Variants in FAM149A observed in about 807,000 individuals in gnomAD.
FAM149A encodes the protein family with sequence similarity 149 member A, also known as protein FAM149A.
Under a neutral mutation model 78.2 loss-of-function variants are expected in FAM149A, and 71 were observed. That is an observed-to-expected ratio of 0.91 (90% CI 0.75 to 1.11). The LOEUF (loss-of-function observed/expected upper bound fraction) is 1.11, where lower values mean the gene tolerates loss of function less well. FAM149A is among the 50% of genes least tolerant of loss of function. The pLI, the probability that FAM149A is intolerant of heterozygous loss-of-function variation, is 0.00. For missense variants in FAM149A, 1,036 were observed against 971.0 expected, an observed-to-expected ratio of 1.07 and a Z score of -0.89; for synonymous variants, 446 against 410.5, an observed-to-expected ratio of 1.09 and a Z score of -1.04.
rs538562035 is a variant in FAM149A at position 186,145,999 on chromosome 4, A to G, written c.567-3174A>G. ...GAACCAAAACAAGATGTGAAAGAGA[A>G]AAAAAAAAAGAAAAAGACAAGAAAG... On this transcript the variant is annotated intron_variant, in intron 1 of 13. Coordinates refer to ENST00000389354, the MANE Select transcript of FAM149A (RefSeq NM_001367768.3). Among the ~76,000 whole-genome samples the G allele has an allele frequency of 3.8e-3, 565 of 150,312 alleles. 2 individuals are homozygous for G. Among genetic ancestry groups the G allele is most frequent in the Middle Eastern group, 0.014 (4 of 292 alleles).
intron 1 of FAM149A, chr4:186,133,202 T>C (rs1276108598): frequency 3.0e-6 from 3 of 984,570 alleles, no homozygotes; most frequent in Non-Finnish European, 2.4e-6. Flanking sequence ...GTGATAAATA[T>C]GCATGAGACA....
Position 186,167,025 on chromosome 4 carries a change from C to T in FAM149A, c.2068C>T (p.Arg690Ter), listed in dbSNP as rs766661467. 1.1e-5 allele frequency: 17 copies of T among 1,614,058 alleles called. No homozygotes were observed. In the East Asian group the frequency reaches 1.1e-4, roughly 11 times the overall value. Residue 690 changes from arginine to a stop codon, truncating the protein, a stop_gained, in exon 12 of 14, where the codon CGA becomes TGA. Transcript: ENST00000389354. LOFTEE classifies it high-confidence loss of function. ...GAGTGCCATGCCTGACGGTACAGAA[C>T]GATCGCGTCTTCGAGAAAGAACAGC...
At chr4:186,137,239 G>A (rs1333630447) in intron 1 of FAM149A, among the ~76,000 whole-genome samples, 2 of 140,786 alleles carry the variant, frequency 1.4e-5, no homozygotes, top group Non-Finnish European at 3.1e-5. Flanking sequence ...TTTACTGGAT[G>A]TTGCTGACCC....
intron 1 of FAM149A, among the ~76,000 whole-genome samples, chr4:186,124,813 G>T (rs2126313286): frequency 6.6e-6 from 1 of 152,222 alleles, no homozygotes; most frequent in African/African-American, 2.4e-5. Flanking sequence ...GGTATTTCTA[G>T]TTCTAGATCC....
At chr4:186,157,383 A>G (rs1177806405) in intron 7 of FAM149A, among the ~76,000 whole-genome samples, 182 bp from the exon 8 acceptor site, 1 of 152,204 alleles carries the variant, frequency 6.6e-6, no homozygotes. Context: ...AAGCCCTGCA[A>G]CCACAGTTCC....
intron 1 of FAM149A, among the ~76,000 whole-genome samples, chr4:186,131,313 A>C (rs1293903103): frequency 2.0e-5 from 3 of 151,368 alleles, no homozygotes; most frequent in Non-Finnish European, 1.5e-5. Context: ...ATGCCACTGC[A>C]CTCCAGTCTG....
rs1324375458 is a variant in FAM149A at position 186,130,287 on chromosome 4, C to CTATATATATA, written c.567-18885_567-18884insATATATATAT. On this transcript the variant is annotated intron_variant, in intron 1 of 13. Transcript: ENST00000389354. The stretch of plus-strand genomic sequence containing the variant: ...AATCTCTCTCTCTCTCTCTCTCTCT[C>CTATATATATA]TCTCTCTATATATATATATATATAT... 2.1e-3 allele frequency: 80 copies of CTATATATATA among 38,174 alleles called. 1 individual carries two copies. The highest frequency in any genetic ancestry group is 0.015 in the Middle Eastern group (1 of 66). The allele number at this position is 38,174 out of a possible 1,614,324, so 2.4% of individuals were successfully genotyped here.
At chr4:186,105,766 C>G (rs927948857) in intron 1 of FAM149A, 124 bp downstream of exon 1, 4 of 596,892 alleles carry the variant, frequency 6.7e-6, no homozygotes, top group African/African-American at 2.0e-5. Context: ...TTTCATAACC[C>G]CCTGGGCACC....
chr4:186,160,377 ACACACAC>A (rs1051879239), intron 8 of FAM149A, among the ~76,000 whole-genome samples: 3 of 139,020 alleles, frequency 2.2e-5, no homozygotes, highest in African/African-American at 8.2e-5. Flanking sequence ...TACCACATAC[ACACACAC>A]CACTCACACA....
Position 186,105,338 on chromosome 4 carries a change from G to A in FAM149A, c.262G>A (p.Ala88Thr). Reference sequence around the variant, plus strand: ...CCGGGGCTCCGCCGCCAGCCGCGCCGCGGGAGCAGTGGGGACCCTGCTCTC... The same window carrying A: ...CCGGGGCTCCGCCGCCAGCCGCGCCACGGGAGCAGTGGGGACCCTGCTCTC... The change falls in exon 1 of 14, where the codon GCG (alanine) becomes ACG (threonine). Residue 88 changes from alanine (A) to threonine (T), a missense_variant. This residue lies in a region of FAM149A where 316 missense variants were observed against 241.9 expected (regional missense o/e 1.31). Transcript: ENST00000389354. 8.5e-7 allele frequency: 1 copy of A among 1,170,304 alleles called. No individual in the cohort carries two copies. Among genetic ancestry groups the A allele is most frequent in the South Asian group, 1.6e-5 (1 of 62,380 alleles). 72.5% of individuals were successfully genotyped at this position (1,170,304 alleles called of 1,614,324 possible). A position where few individuals can be genotyped will look rare whatever the true frequency, so the allele number is the denominator to read the frequency against.
intron 6 of FAM149A, among the ~76,000 whole-genome samples, chr4:186,155,351 C>T (rs2126486558): frequency 6.6e-6 from 1 of 152,210 alleles, no homozygotes; most frequent in South Asian, 2.1e-4. Flanking sequence ...TAAAAAGTAA[C>T]ACTGATAAAA....
intron 1 of FAM149A, among the ~76,000 whole-genome samples, chr4:186,119,701 T>A (rs950796680): frequency 1.3e-5 from 2 of 152,228 alleles, no homozygotes; most frequent in Non-Finnish European, 2.9e-5. Flanking sequence ...CCTGTTCATA[T>A]CAGGCTTTTA....
At position 186,144,790 on chromosome 4, in the gene FAM149A, C is replaced by CT. The variant is rs770290545; in HGVS notation, c.567-4383_567-4382insT. On this transcript the variant is annotated intron_variant, in intron 1 of 13. Coordinates refer to ENST00000389354, the MANE Select transcript of FAM149A (RefSeq NM_001367768.3). This position sits in a 1 kb window ranked among gnomAD's most constrained non-coding sequence, Gnocchi z 4.2. ...GGCGCAGCCGGGATTAGCTGGCGGG[C>CT]GAGGGCGCAGCGCAGGGAGGAGGAG... is the stretch of plus-strand genomic sequence containing the variant. 1 of 978,558 alleles carries CT rather than the reference C, an allele frequency of 1.0e-6. No homozygotes were observed. Among genetic ancestry groups the CT allele is most frequent in the Non-Finnish European group, 1.2e-6 (1 of 824,410 alleles). The allele number at this position is 978,558 out of a possible 1,614,324, so 60.6% of individuals were successfully genotyped here. A position where few individuals can be genotyped will look rare whatever the true frequency, so the allele number is the denominator to read the frequency against.
intron 1 of FAM149A, chr4:186,109,821 C>G: frequency 1.0e-6 from 1 of 985,196 alleles, no homozygotes; most frequent in South Asian, 4.7e-5. Flanking sequence ...TCTTTTAGTT[C>G]AGTTATTTGG....
intron 8 of FAM149A, chr4:186,157,943 C>G: frequency 1.3e-6 from 2 of 1,527,696 alleles, no homozygotes; most frequent in Non-Finnish European, 1.8e-6. Context: ...AGGATGTGCT[C>G]AAGTTCCTTG....
At chr4:186,141,507 C>T (rs971749255) in intron 1 of FAM149A, among the ~76,000 whole-genome samples, 7 of 152,106 alleles carry the variant, frequency 4.6e-5, no homozygotes, top group African/African-American at 9.7e-5. Context: ...ACCAATCCAA[C>T]GTGAAGATTT....
chr4:186,116,341 A>C (rs1422457420), intron 1 of FAM149A: 4 of 397,896 alleles, frequency 1.0e-5, no homozygotes, highest in Non-Finnish European at 1.4e-5. Flanking sequence ...GAAATGCAGA[A>C]ATCACCCGTC....
At chr4:186,157,893 A>G (rs2276919) in intron 8 of FAM149A, 174 bp downstream of exon 8, 1,055,979 of 1,534,524 alleles carry the variant, frequency 0.69, 366,389 homozygotes, top group Non-Finnish European at 0.72. Flanking sequence ...TCACAGTGTC[A>G]CAATGCCTGG....
At chr4:186,146,653 G>A in intron 1 of FAM149A, 1 of 706,700 alleles carries the variant, frequency 1.4e-6, no homozygotes, top group Non-Finnish European at 1.7e-6. Flanking sequence ...CTAGAAGCAG[G>A]ATAGACCGTC....
Sources: allele counts gnomAD v4.1 joint callset (sites outside exome capture counted in the v4.1 genomes callset), GRCh38; gene constraint gnomAD v4.1.1; regional missense constraint gnomAD v4.1.1; non-coding constraint Gnocchi (gnomAD v3.1); transcripts MANE v1.5; gene names NCBI Gene and HGNC (gene_info 2026-07-23, HGNC 2026-07-21).